The following RAP1GAP variants were observed in gnomAD, a reference collection of about 807,000 sequenced individuals.
RAP1GAP encodes the protein rap1 GTPase-activating protein 1.
In RAP1GAP, 35 loss-of-function variants were observed where a neutral mutation model predicts 87.2. The observed-to-expected ratio is 0.40, with a 90% CI of 0.31 to 0.53. RAP1GAP has a LOEUF of 0.53. Ranked by LOEUF, RAP1GAP falls within the 20% of genes least tolerant of loss-of-function variation. The probability of loss-of-function intolerance (pLI) is 0.48; values close to 1 mark genes in which losing one functional copy is unlikely to be tolerated. For synonymous variants in RAP1GAP, 375 were observed against 363.9 expected (o/e 1.03, Z -0.35); for missense variants, 734 against 898.9 (o/e 0.82, Z 2.35).
intron 2 of RAP1GAP, among the ~76,000 whole-genome samples, chr1:21,641,732 A>T (rs2095542664): frequency 6.6e-6 from 1 of 152,182 alleles, no homozygotes; most frequent in Non-Finnish European, 1.5e-5. Context: ...CAGAGAGGTT[A>T]AGTCTCTAGC....
intron 22 of RAP1GAP, 32 bp from the exon 23 acceptor site, chr1:21,598,096 C>G: frequency 7.1e-7 from 1 of 1,406,896 alleles, no homozygotes. Flanking sequence ...AGCCACCTCA[C>G]TGGCCGCGGG....
intron 2 of RAP1GAP, among the ~76,000 whole-genome samples, chr1:21,628,400 TAAAAAA>T (rs528098037): frequency 0.15 from 7,607 of 51,640 alleles, 416 homozygotes; most frequent in Non-Finnish European, 0.17. Flanking sequence ...CCATCTCTAC[TAAAAAA>T]AAAAAAAAAA....
At chr1:21,642,304 G>A (rs959758660) in intron 2 of RAP1GAP, among the ~76,000 whole-genome samples, 8 of 152,240 alleles carry the variant, frequency 5.3e-5, no homozygotes, top group African/African-American at 1.9e-4. Context: ...CCGCGATGAT[G>A]GCAGTAACCG....
chr1:21,612,104 G>A lies in RAP1GAP; in HGVS notation c.534C>T (p.Ser178=). Residue 178 remains serine (S), a synonymous_variant, in exon 11 of 25, where the codon TCC becomes TCT. Coordinates refer to ENST00000374765, the MANE Select transcript of RAP1GAP (RefSeq NM_002885.4). ...RFYPVLYPKA[S]RLIVTFDEHV... ...GCTCGTCAAAGGTGACGATGAGCCGGGAAGCCTGCAGGAGAGGACGCCGGG... is the reference window on the plus strand; with the variant it reads ...GCTCGTCAAAGGTGACGATGAGCCGAGAAGCCTGCAGGAGAGGACGCCGGG... 1 of 1,551,864 alleles carries A rather than the reference G, an allele frequency of 6.4e-7. No individual in the cohort carries two copies. The highest frequency in any genetic ancestry group is 8.7e-7 in the Non-Finnish European group (1 of 1,146,760).
At chr1:21,666,929 G>T (rs1291366789) in intron 1 of RAP1GAP, among the ~76,000 whole-genome samples, 11 of 152,204 alleles carry the variant, frequency 7.2e-5, no homozygotes, top group African/African-American at 1.7e-4. Flanking sequence ...GTGTACACAC[G>T]TGCCAGCATC....
intron 1 of RAP1GAP, among the ~76,000 whole-genome samples, chr1:21,658,445 G>A (rs181555223): frequency 2.6e-4 from 39 of 152,274 alleles, no homozygotes; most frequent in African/African-American, 9.1e-4. Flanking sequence ...GCATGCGCCT[G>A]TAGTCTCAGC....
At chr1:21,639,782 C>CT (rs1489390405) in intron 2 of RAP1GAP, among the ~76,000 whole-genome samples, 3 of 152,138 alleles carry the variant, frequency 2.0e-5, no homozygotes, top group African/African-American at 7.2e-5. Flanking sequence ...GGGGCAGCGT[C>CT]TGACACTTTT....
chr1:21,625,619 A>G lies in RAP1GAP; in HGVS notation c.-19+685T>C, dbSNP rs1020057802. Reference sequence around the variant, plus strand: ...GTAGCTATCACATAGTCCAAGGATGAGATGAAATACTGCAAATAAAGCATT... The same window carrying G: ...GTAGCTATCACATAGTCCAAGGATGGGATGAAATACTGCAAATAAAGCATT... On this transcript the variant is annotated intron_variant, in intron 3 of 24. Transcript: ENST00000374765. Among the ~76,000 whole-genome samples the G allele has an allele frequency of 3.3e-5, 5 of 152,242 alleles. No homozygotes were observed. In the East Asian group the frequency reaches 5.8e-4, roughly 18 times the overall value.
At position 21,649,803 on chromosome 1, in the gene RAP1GAP, C is replaced by T. The variant is rs1558873621; in HGVS notation, c.-148-7G>A. Reference sequence around the variant, plus strand: ...AGTGAAGGACTTGTCCACCCTGAAACACAACAAGAGGGGCCATAGGTGAGG... The same window carrying T: ...AGTGAAGGACTTGTCCACCCTGAAATACAACAAGAGGGGCCATAGGTGAGG... On this transcript the variant is annotated splice_region_variant and splice_polypyrimidine_tract_variant and intron_variant, in intron 1 of 24. Coordinates refer to ENST00000374765, the MANE Select transcript of RAP1GAP (RefSeq NM_002885.4). The T allele has an allele frequency of 6.4e-7, 1 of 1,552,078 alleles. No individual in the cohort carries two copies. Among genetic ancestry groups the T allele is most frequent in the Admixed American group, 2.0e-5 (1 of 51,008 alleles).
chr1:21,664,469 C>T (rs2097271417), intron 1 of RAP1GAP, among the ~76,000 whole-genome samples: 2 of 152,206 alleles, frequency 1.3e-5, no homozygotes, highest in South Asian at 4.1e-4. Context: ...CCCCACCTTC[C>T]ATGAATCCAA....
intron 20 of RAP1GAP, among the ~76,000 whole-genome samples, chr1:21,601,200 T>C (rs1157387159): frequency 6.6e-6 from 1 of 152,004 alleles, no homozygotes; most frequent in African/African-American, 2.4e-5. Context: ...CCAGCCACCC[T>C]TCTTTCTGTC....
intron 2 of RAP1GAP, among the ~76,000 whole-genome samples, chr1:21,632,279 C>T (rs947383580): frequency 1.3e-5 from 2 of 152,218 alleles, no homozygotes; most frequent in African/African-American, 4.8e-5. Flanking sequence ...TCCCCGGTTT[C>T]TTGGCAACTG....
At chr1:21,635,951 G>A (rs1023615611) in intron 2 of RAP1GAP, among the ~76,000 whole-genome samples, 5 of 152,244 alleles carry the variant, frequency 3.3e-5, no homozygotes, top group African/African-American at 1.2e-4. Flanking sequence ...CCAAGGATTG[G>A]TTGGAAGCAG....
chr1:21,634,081 A>G lies in RAP1GAP; in HGVS notation c.-112-7684T>C, dbSNP rs1481039076. Among the ~76,000 whole-genome samples the G allele has an allele frequency of 6.8e-6, 1 of 147,618 alleles. No individual in the cohort carries two copies. The highest frequency in any genetic ancestry group is 1.5e-5 in the Non-Finnish European group (1 of 67,438). ...CCCGGGGGGGGGGGGGGGCCACAGA[A>G]GCCCATTGTTTTCTGAGCTCAACCA... On this transcript the variant is annotated intron_variant, in intron 2 of 24. Transcript: ENST00000374765. The surrounding 1 kb of genome is among the most constrained non-coding windows in gnomAD (Gnocchi z 4.1).
chr1:21,665,923 AG>A (rs1371303586), intron 1 of RAP1GAP, among the ~76,000 whole-genome samples: 1 of 152,238 alleles, frequency 6.6e-6, no homozygotes, highest in Non-Finnish European at 1.5e-5. Context: ...TTATTGGCAC[AG>A]GGCTGCCACC....
rs545562337 is a variant in RAP1GAP at position 21,640,549 on chromosome 1, G to A, written c.-113+9212C>T. Among the ~76,000 whole-genome samples the A allele has an allele frequency of 4.6e-5, 7 of 152,318 alleles. No homozygotes were observed. The South Asian group carries it at 1.5e-3, about 32-fold the overall frequency. ...TAGGGAAATATGTGTGTGTGTACAT[G>A]TAATGGGTCATCTCAAAGAACCTTT... On this transcript the variant is annotated intron_variant, in intron 2 of 24. Transcript: ENST00000374765.
Position 21,612,015 on chromosome 1 carries a change from G to A in RAP1GAP, c.612+11C>T, listed in dbSNP as rs749507344. ...AGGTGGGGAGGGGCGGCAGGGAGGAGGTGAGCACACCTGCCCAAGCTTCTG... is the reference window on the plus strand; with the variant it reads ...AGGTGGGGAGGGGCGGCAGGGAGGAAGTGAGCACACCTGCCCAAGCTTCTG... On this transcript the variant is annotated intron_variant, in intron 11 of 24. Coordinates refer to ENST00000374765, the MANE Select transcript of RAP1GAP (RefSeq NM_002885.4). 3 of 1,541,664 alleles carry A rather than the reference G, an allele frequency of 1.9e-6. No homozygotes were observed. Among genetic ancestry groups the A allele is most frequent in the Non-Finnish European group, 2.6e-6 (3 of 1,135,646 alleles).
chr1:21,617,226 G>T, intron 7 of RAP1GAP, 80 bp downstream of exon 7: 1 of 1,471,204 alleles, frequency 6.8e-7, no homozygotes. Flanking sequence ...CATGGGTTCT[G>T]CTCCCTCCCA....
intron 18 of RAP1GAP, among the ~76,000 whole-genome samples, chr1:21,604,171 C>T (rs1172240629): frequency 1.3e-5 from 2 of 151,704 alleles, no homozygotes; most frequent in East Asian, 1.9e-4. Context: ...CAGGGACACG[C>T]GTGAGCCAGC....
Sources: gnomAD v4.1 joint callset for allele counts (sites outside exome capture counted in the v4.1 genomes callset) on GRCh38, gnomAD v4.1.1 for gene constraint, Gnocchi (gnomAD v3.1) non-coding constraint, MANE v1.5 for transcripts, NCBI Gene and HGNC (gene_info 2026-07-23, HGNC 2026-07-21) for gene names.